The following THSD7B variants were observed in gnomAD, a reference collection of about 807,000 sequenced individuals.
THSD7B encodes thrombospondin type 1 domain containing 7B, also known as thrombospondin type-1 domain-containing protein 7B.
A neutral mutation model predicts 213.6 loss-of-function variants in THSD7B; 138 were observed. The ratio of observed to expected loss-of-function variants is 0.65; its 90% confidence interval spans 0.56 to 0.74. The LOEUF is 0.74. THSD7B is among the 30% of genes least tolerant of loss of function. THSD7B has a pLI of 0.00. For missense variants in THSD7B, 1,931 were observed against 1,991.5 expected (o/e 0.97, Z 0.58); for synonymous variants, 742 against 687.0 (o/e 1.08, Z -1.25).
chr2:137,076,137 G>A (rs1286651777), intron 3 of THSD7B, among the ~76,000 whole-genome samples: 2 of 152,202 alleles, frequency 1.3e-5, no homozygotes, highest in Non-Finnish European at 2.9e-5. Context: ...ATTTAAGTCT[G>A]CAGAGGTTAC....
intron 15 of THSD7B, among the ~76,000 whole-genome samples, chr2:137,468,728 T>C (rs1688039777): frequency 6.6e-6 from 1 of 152,132 alleles, no homozygotes; most frequent in South Asian, 2.1e-4. Context: ...ATAGTTAGCA[T>C]GTATATTTAG....
At chr2:137,512,483 C>G (rs1354065012) in intron 15 of THSD7B, among the ~76,000 whole-genome samples, 1 of 148,760 alleles carries the variant, frequency 6.7e-6, no homozygotes, top group African/African-American at 2.5e-5. Context: ...CCTTGACCTC[C>G]CAGGCTCAAG....
intron 15 of THSD7B, among the ~76,000 whole-genome samples, chr2:137,536,705 C>A (rs141595878): frequency 6.6e-6 from 1 of 151,306 alleles, no homozygotes; most frequent in Admixed American, 6.6e-5. Flanking sequence ...AAAAATGATA[C>A]ATGTAATTAC....
intron 2 of THSD7B, among the ~76,000 whole-genome samples, chr2:136,885,881 C>T (rs890708389): frequency 2.0e-5 from 3 of 151,894 alleles, no homozygotes; most frequent in African/African-American, 7.3e-5. Flanking sequence ...AAAAATGAGG[C>T]CAGGAGGAGG....
At chr2:137,282,203 T>C (rs1336538911) in intron 12 of THSD7B, among the ~76,000 whole-genome samples, 11 of 152,080 alleles carry the variant, frequency 7.2e-5, no homozygotes, top group African/African-American at 1.2e-4. Flanking sequence ...AAATGTCTTC[T>C]TTTGAGAAGT....
chr2:136,926,401 T>A (rs1684525309), intron 2 of THSD7B, among the ~76,000 whole-genome samples: 1 of 151,066 alleles, frequency 6.6e-6, no homozygotes, highest in Non-Finnish European at 1.5e-5. Flanking sequence ...AAAAAAAAGT[T>A]AAAAAAAATT....
chr2:136,838,719 G>T (rs1682877774), intron 1 of THSD7B, among the ~76,000 whole-genome samples: 1 of 152,150 alleles, frequency 6.6e-6, no homozygotes, highest in East Asian at 1.9e-4. Context: ...CTGACTGGGG[G>T]TGGCCATTTT....
intron 2 of THSD7B, among the ~76,000 whole-genome samples, chr2:137,017,284 G>A (rs1573769289): frequency 6.9e-6 from 1 of 145,962 alleles, no homozygotes. Context: ...GGGCTTCCAT[G>A]TTTTTTTTTT....
intron 5 of THSD7B, among the ~76,000 whole-genome samples, chr2:137,137,212 C>T (rs551966754): frequency 2.6e-5 from 4 of 152,156 alleles, no homozygotes; most frequent in Non-Finnish European, 5.9e-5. Context: ...TTGCTGGGTG[C>T]CTTTCAAGAC....
At chr2:136,913,749 T>A (rs1684306578) in intron 2 of THSD7B, among the ~76,000 whole-genome samples, 1 of 152,174 alleles carries the variant, frequency 6.6e-6, no homozygotes, top group African/African-American at 2.4e-5. Flanking sequence ...AGAATTAAGG[T>A]TTGGAAACCT....
chr2:137,578,012 T>A (rs180726794), intron 17 of THSD7B, among the ~76,000 whole-genome samples: 2 of 152,270 alleles, frequency 1.3e-5, no homozygotes, highest in Non-Finnish European at 2.9e-5. Flanking sequence ...TAGTAAACAA[T>A]GTTATAAAGG....
At chr2:137,555,295 G>A (rs1448435510) in intron 15 of THSD7B, among the ~76,000 whole-genome samples, 1 of 152,196 alleles carries the variant, frequency 6.6e-6, no homozygotes, top group East Asian at 1.9e-4. Flanking sequence ...GCACCCCCTA[G>A]TAGGGGCAGA....
chr2:136,844,262 G>A (rs759714615), intron 1 of THSD7B, among the ~76,000 whole-genome samples: 2 of 152,132 alleles, frequency 1.3e-5, no homozygotes, highest in African/African-American at 2.4e-5. Flanking sequence ...TGGTAACTAT[G>A]AGGCAACAGC....
intron 27 of THSD7B, among the ~76,000 whole-genome samples, chr2:137,675,722 G>A (rs1403242597): frequency 6.6e-6 from 1 of 152,122 alleles, no homozygotes; most frequent in African/African-American, 2.4e-5. Context: ...GAAGGTTGGA[G>A]ACAGGGAGAG....
chr2:136,814,827 A>G (rs1682444795), intron 1 of THSD7B, among the ~76,000 whole-genome samples: 1 of 152,204 alleles, frequency 6.6e-6, no homozygotes, highest in East Asian at 1.9e-4. Flanking sequence ...GGGTTTGGCA[A>G]ACTATGGTCA....
chr2:137,054,181 G>A lies in THSD7B; in HGVS notation c.140-2239G>A, dbSNP rs144517488. On this transcript the variant is annotated intron_variant, in intron 2 of 27. Transcript: ENST00000409968. Reference sequence around the variant, plus strand: ...GTGCTAAGATCACCGTTTTCAACGCGTGTTCTCTATACTATAAGCAGTCTG... The same window carrying A: ...GTGCTAAGATCACCGTTTTCAACGCATGTTCTCTATACTATAAGCAGTCTG... Among the ~76,000 whole-genome samples, 161 of 152,296 alleles carry A rather than the reference G, an allele frequency of 1.1e-3. 3 individuals are homozygous for A. The Middle Eastern group carries it at 0.041, about 39-fold the overall frequency.
At chr2:137,152,371 A>G (rs1446119530) in intron 5 of THSD7B, among the ~76,000 whole-genome samples, 1 of 152,168 alleles carries the variant, frequency 6.6e-6, no homozygotes, top group Non-Finnish European at 1.5e-5. Flanking sequence ...AATTATTACT[A>G]TAACAGCTTA....
chr2:137,489,092 G>A (rs951315677), intron 15 of THSD7B, among the ~76,000 whole-genome samples: 5 of 152,124 alleles, frequency 3.3e-5, no homozygotes. Flanking sequence ...AAATAGAAAT[G>A]ACATAGCAGT....
intron 2 of THSD7B, among the ~76,000 whole-genome samples, chr2:136,995,903 G>A (rs1255344338): frequency 6.6e-6 from 1 of 152,178 alleles, no homozygotes; most frequent in African/African-American, 2.4e-5. Flanking sequence ...CAGGGTACAT[G>A]TCATTATTGA....
Sources: allele counts gnomAD v4.1 joint callset (sites outside exome capture counted in the v4.1 genomes callset), GRCh38; gene constraint gnomAD v4.1.1; transcripts MANE v1.5; gene names NCBI Gene and HGNC (gene_info 2026-07-23, HGNC 2026-07-21).